Variants in HS2ST1 observed in about 807,000 individuals in gnomAD.
HS2ST1 encodes heparan sulfate 2-O-sulfotransferase 1, also known as 2-O-sulfotransferase.
A neutral mutation model predicts 42.9 loss-of-function variants in HS2ST1; 18 were observed. The ratio of observed to expected loss-of-function variants is 0.42; its 90% CI spans 0.29 to 0.62. The LOEUF is 0.62. Among genes scored for constraint, HS2ST1 ranks in the 20% least tolerant of loss-of-function variants. The pLI, the probability that HS2ST1 is intolerant of heterozygous loss-of-function variation, is 0.21. For synonymous variants in HS2ST1, 146 were observed against 152.9 expected (o/e 0.95, Z 0.33); for missense variants, 334 against 433.8 (o/e 0.77, Z 2.04).
intron 1 of HS2ST1, among the ~76,000 whole-genome samples, chr1:87,012,728 C>G (rs1039598413): frequency 6.6e-6 from 1 of 152,202 alleles, no homozygotes; most frequent in Non-Finnish European, 1.5e-5. Context: ...GGCAAGTCCC[C>G]TCTGCCTATG....
At position 87,012,028 on chromosome 1, in the gene HS2ST1, T is replaced by C. The variant is rs531336894; in HGVS notation, c.125-60906T>C. ...AGTATGCATGCAATGCATTGATTCA[T>C]AATTAATTGATTCCCCTTTCCACAA... On this transcript the variant is annotated intron_variant, in intron 1 of 6. Coordinates refer to ENST00000370550, the MANE Select transcript of HS2ST1 (RefSeq NM_012262.4). Among the ~76,000 whole-genome samples the C allele has an allele frequency of 4.1e-4, 62 of 152,374 alleles. 2 individuals are homozygous for C. The South Asian group carries it at 0.011, about 28-fold the overall frequency.
chr1:87,063,737 G>T (rs1282150324), intron 1 of HS2ST1, among the ~76,000 whole-genome samples: 2 of 152,080 alleles, frequency 1.3e-5, no homozygotes, highest in African/African-American at 4.8e-5. Context: ...GCTCATTAAA[G>T]AATTTTTATC....
intron 1 of HS2ST1, among the ~76,000 whole-genome samples, chr1:87,044,685 A>G (rs967563761): frequency 1.3e-5 from 2 of 152,232 alleles, no homozygotes; most frequent in Non-Finnish European, 2.9e-5. Context: ...GTGTTGTTTT[A>G]TCTCATGACT....
At chr1:87,076,729 T>C (rs1161508517) in intron 2 of HS2ST1, among the ~76,000 whole-genome samples, 1 of 150,106 alleles carries the variant, frequency 6.7e-6, no homozygotes, top group African/African-American at 2.5e-5. Flanking sequence ...TTTGCTGTCA[T>C]GTGTTTAGCC....
intron 1 of HS2ST1, chr1:86,992,991 A>G (rs1649002484): frequency 3.6e-6 from 5 of 1,402,652 alleles, no homozygotes; most frequent in East Asian, 2.5e-5. Context: ...GTCTGTGTCT[A>G]TGTTCCTTTC....
At chr1:86,988,944 G>A (rs1648866775) in intron 1 of HS2ST1, among the ~76,000 whole-genome samples, 1 of 152,194 alleles carries the variant, frequency 6.6e-6, no homozygotes, top group Non-Finnish European at 1.5e-5. Flanking sequence ...TCGGATTTCT[G>A]TATCACCCCG....
At chr1:86,953,326 G>A (rs1375312563) in intron 1 of HS2ST1, among the ~76,000 whole-genome samples, 2 of 152,170 alleles carry the variant, frequency 1.3e-5, no homozygotes, top group East Asian at 1.9e-4. Flanking sequence ...AGGCAGTTTC[G>A]TTTTCTTATC....
At chr1:86,931,374 G>T (rs1660535603) in intron 1 of HS2ST1, among the ~76,000 whole-genome samples, 1 of 151,938 alleles carries the variant, frequency 6.6e-6, no homozygotes, top group Non-Finnish European at 1.5e-5. Context: ...TAATTTTGTA[G>T]CCCATTTTTT....
intron 1 of HS2ST1, among the ~76,000 whole-genome samples, chr1:87,030,054 C>T (rs574014461): frequency 6.6e-6 from 1 of 152,264 alleles, no homozygotes; most frequent in South Asian, 2.1e-4. Context: ...TTTCAGCTTG[C>T]TCTTATCTGT....
chr1:87,016,560 T>C lies in HS2ST1; in HGVS notation c.125-56374T>C, dbSNP rs74097511. On this transcript the variant is annotated intron_variant, in intron 1 of 6. Transcript: ENST00000370550. Reference sequence around the variant, plus strand: ...AAATAACACAATCTATTTTATTACATTGTTTATTTCAGAAAATAATTTGGG... The same window carrying C: ...AAATAACACAATCTATTTTATTACACTGTTTATTTCAGAAAATAATTTGGG... 3.9e-3 allele frequency among the ~76,000 whole-genome samples: 599 copies of C among 152,350 alleles called. 3 individuals carry two copies. Among genetic ancestry groups the C allele is most frequent in the African/African-American group, 0.014 (578 of 41,584 alleles).
intron 3 of HS2ST1, among the ~76,000 whole-genome samples, chr1:87,088,881 C>G (rs111309694): frequency 0.013 from 1,925 of 152,096 alleles, 51 homozygotes; most frequent in African/African-American, 0.044. Context: ...GGATACAGGA[C>G]AGTGGGACCT....
intron 1 of HS2ST1, among the ~76,000 whole-genome samples, chr1:87,051,239 G>A (rs796196099): frequency 2.4e-4 from 37 of 151,248 alleles, no homozygotes; most frequent in African/African-American, 8.5e-4. Flanking sequence ...TTCAGTTTTC[G>A]TGGTTTGATT....
At chr1:86,995,322 T>C (rs1377765343) in intron 1 of HS2ST1, among the ~76,000 whole-genome samples, 2 of 152,212 alleles carry the variant, frequency 1.3e-5, no homozygotes, top group Non-Finnish European at 2.9e-5. Context: ...CATGTTTAAT[T>C]ACCTTGGTGT....
intron 1 of HS2ST1, among the ~76,000 whole-genome samples, chr1:86,970,927 C>T (rs1168895297): frequency 1.3e-5 from 2 of 151,972 alleles, no homozygotes; most frequent in East Asian, 3.9e-4. Context: ...TAATAGATGC[C>T]AGTTAGCACA....
intron 1 of HS2ST1, among the ~76,000 whole-genome samples, chr1:86,980,607 A>C (rs1471356747): frequency 1.3e-5 from 2 of 152,206 alleles, no homozygotes; most frequent in Non-Finnish European, 2.9e-5. Context: ...AGTGGTGACC[A>C]AAAAGTGCTA....
At chr1:86,992,354 TTC>T (rs902384509) in intron 1 of HS2ST1, among the ~76,000 whole-genome samples, 2 of 150,496 alleles carry the variant, frequency 1.3e-5, no homozygotes, top group African/African-American at 2.5e-5. Flanking sequence ...CACTTTAATT[TTC>T]TCTTTCTTTT....
Position 87,026,656 on chromosome 1 carries a change from A to G in HS2ST1, c.125-46278A>G, listed in dbSNP as rs187626128. Among the ~76,000 whole-genome samples, 9 of 152,278 alleles carry G rather than the reference A, an allele frequency of 5.9e-5. No individual in the cohort carries two copies. The East Asian group carries it at 1.2e-3, about 20-fold the overall frequency. ...TCATTAGTTACAAGGTTTAAATTCT[A>G]TGCCCTAAGTTCATTGGCATTTCAC... On this transcript the variant is annotated intron_variant, in intron 1 of 6. Coordinates refer to ENST00000370550, the MANE Select transcript of HS2ST1 (RefSeq NM_012262.4).
At chr1:87,049,547 T>A (rs891254077) in intron 1 of HS2ST1, among the ~76,000 whole-genome samples, 1 of 152,114 alleles carries the variant, frequency 6.6e-6, no homozygotes, top group African/African-American at 2.4e-5. Flanking sequence ...TGAAGTGTGT[T>A]ATTTAGTCCA....
intron 1 of HS2ST1, among the ~76,000 whole-genome samples, chr1:86,926,968 G>A (rs550417253): frequency 6.6e-5 from 10 of 152,190 alleles, no homozygotes; most frequent in Non-Finnish European, 1.2e-4. Context: ...CAGGCCTTTT[G>A]TATCCCTTTA....
Sources: allele counts gnomAD v4.1 joint callset (sites outside exome capture counted in the v4.1 genomes callset), GRCh38; gene constraint gnomAD v4.1.1; transcripts MANE v1.5; gene names NCBI Gene and HGNC (gene_info 2026-07-23, HGNC 2026-07-21).